CCNH: variants seen among roughly 807,000 people sequenced by gnomAD.
CCNH encodes cyclin H.
In CCNH, 31 loss-of-function variants were observed where a neutral mutation model predicts 41.9. The ratio of observed to expected loss-of-function variants is 0.74; its 90% CI spans 0.56 to 1.00. The LOEUF is 1.00. Ranked by LOEUF, CCNH falls within the 50% of genes least tolerant of loss-of-function variation. The probability of loss-of-function intolerance (pLI) is 0.00; values close to 1 mark genes in which losing one functional copy is unlikely to be tolerated. For missense variants in CCNH, 362 were observed against 388.4 expected, an observed-to-expected ratio of 0.93 and a Z score of 0.57; for synonymous variants, 138 against 136.1, an observed-to-expected ratio of 1.01 and a Z score of -0.10.
chr5:87,379,799 T>C, upstream of CCNH: 2 of 1,612,928 alleles, frequency 1.2e-6, no homozygotes, highest in Non-Finnish European at 1.7e-6. Flanking sequence ...CTATTGAACA[T>C]ACTTTCAGAG....
At chr5:87,386,074 C>T (rs1320087510) in intron 9 of CCNH, among the ~76,000 whole-genome samples, 1 of 151,972 alleles carries the variant, frequency 6.6e-6, no homozygotes, top group African/African-American at 2.4e-5. Flanking sequence ...TTTATTGCTC[C>T]TCACAGCCTT....
At chr5:87,353,057 T>C (rs1580334430) in intron 9 of CCNH, 1 of 831,148 alleles carries the variant, frequency 1.2e-6, no homozygotes, top group Non-Finnish European at 2.0e-6. Context: ...TGAAAAAAAT[T>C]TGCTAATTAG....
chr5:87,357,349 G>A (rs889007538), intron 9 of CCNH, among the ~76,000 whole-genome samples: 3 of 151,852 alleles, frequency 2.0e-5, no homozygotes, highest in Non-Finnish European at 2.9e-5. Context: ...TCCAGATGAC[G>A]GATCCTGCCA....
At chr5:87,333,480 TC>T in intron 9 of CCNH, 2 of 1,325,964 alleles carry the variant, frequency 1.5e-6, no homozygotes, top group Non-Finnish European at 2.0e-6. Flanking sequence ...GGTCTGTTGG[TC>T]CTGTATCTCT....
intron 7 of CCNH, 75 bp downstream of exon 7, chr5:87,399,319 C>G: frequency 1.9e-6 from 2 of 1,062,432 alleles, no homozygotes; most frequent in Non-Finnish European, 1.5e-6. Context: ...GAGCAAACAC[C>G]AATAAAATGA....
At chr5:87,360,273 C>T (rs62368950) in intron 9 of CCNH, among the ~76,000 whole-genome samples, 10,740 of 152,002 alleles carry the variant, frequency 0.071, 479 homozygotes, top group Non-Finnish European at 0.1. Context: ...ATTACAGGCA[C>T]GCGCCACCAC....
At chr5:87,358,272 A>G (rs1759803129) in intron 9 of CCNH, among the ~76,000 whole-genome samples, 1 of 152,200 alleles carries the variant, frequency 6.6e-6, no homozygotes, top group African/African-American at 2.4e-5. Flanking sequence ...AATATACCCC[A>G]TAATAAAAAT....
chr5:87,377,235 T>C (rs1270615484), upstream of CCNH: 6 of 689,768 alleles, frequency 8.7e-6, no homozygotes, highest in Non-Finnish European at 1.4e-5. Context: ...CTGATATTTC[T>C]AATGTAGGTT....
chr5:87,321,477 C>T (rs1756800623), intron 9 of CCNH, among the ~76,000 whole-genome samples: 1 of 152,172 alleles, frequency 6.6e-6, no homozygotes, highest in Non-Finnish European at 1.5e-5. Flanking sequence ...GAACTTCTAC[C>T]AGATGGCTTC....
At chr5:87,339,624 C>T (rs749308795) in intron 9 of CCNH, among the ~76,000 whole-genome samples, 1 of 151,952 alleles carries the variant, frequency 6.6e-6, no homozygotes, top group Non-Finnish European at 1.5e-5. Context: ...TCAATGTATA[C>T]AGAAAAATAA....
chr5:87,364,093 A>G (rs1332353755), intron 9 of CCNH, among the ~76,000 whole-genome samples: 1 of 152,108 alleles, frequency 6.6e-6, no homozygotes, highest in African/African-American at 2.4e-5. Flanking sequence ...CACCATTAGT[A>G]TTATCAGTAA....
At chr5:87,329,574 G>T (rs1234291245) in intron 9 of CCNH, among the ~76,000 whole-genome samples, 1 of 152,184 alleles carries the variant, frequency 6.6e-6, no homozygotes, top group South Asian at 2.1e-4. Context: ...CATTTCAATG[G>T]TAAGTTCAAA....
downstream of CCNH, chr5:87,393,895 A>G (rs1762709480): frequency 1.3e-5 from 2 of 152,252 alleles, no homozygotes; most frequent in South Asian, 2.1e-4. Flanking sequence ...TCAAAATCAT[A>G]TATCTGGTTT....
Position 87,409,377 on chromosome 5 carries a change from A to C in CCNH, c.241-14T>G. 1 of 1,385,056 alleles carries C rather than the reference A, an allele frequency of 7.2e-7. No individual in the cohort carries two copies. Among genetic ancestry groups the C allele is most frequent in the Non-Finnish European group, 1.0e-6 (1 of 981,546 alleles). The allele number at this position is 1,385,056 out of a possible 1,614,324, so 85.8% of individuals were successfully genotyped here. On this transcript the variant is annotated splice_polypyrimidine_tract_variant and intron_variant, in intron 2 of 8. Coordinates refer to ENST00000256897, the MANE Select transcript of CCNH (RefSeq NM_001239.4). ...ACAAGCCGTACCCTAAGGGTTAAAA[A>C]AAATATATCATCAGGATCTAGTCAC...
intron 7 of CCNH, among the ~76,000 whole-genome samples, chr5:87,398,408 T>C (rs190791623): frequency 6.6e-6 from 1 of 152,140 alleles, no homozygotes; most frequent in Non-Finnish European, 1.5e-5. Context: ...ATGCCACAGA[T>C]AACTCCCATT....
chr5:87,394,647 G>A (rs980454992), intron 8 of CCNH, 163 bp from the exon 9 acceptor site: 37 of 1,425,498 alleles, frequency 2.6e-5, no homozygotes, highest in Middle Eastern at 4.4e-4. Context: ...ATGTTGGCAT[G>A]GTCTCACCAG....
chr5:87,394,194 A>AATT (rs1444251989), downstream of CCNH: 8 of 1,082,886 alleles, frequency 7.4e-6, no homozygotes, highest in Admixed American at 4.6e-5. Context: ...TTGCTTAAAA[A>AATT]ATTAGGCAAA....
downstream of CCNH, chr5:87,386,942 T>C (rs760339965): frequency 2.7e-5 from 41 of 1,498,414 alleles, no homozygotes; most frequent in South Asian, 4.1e-4. Flanking sequence ...TTAAGACTTC[T>C]AGTTGATATA....
intron 7 of CCNH, 37 bp downstream of exon 7, chr5:87,399,357 G>A: frequency 1.4e-6 from 2 of 1,419,672 alleles, no homozygotes; most frequent in Non-Finnish European, 1.0e-6. Flanking sequence ...CTGGATAACA[G>A]TTATGTCTAT....
Sources: allele counts gnomAD v4.1 joint callset (sites outside exome capture counted in the v4.1 genomes callset), GRCh38; gene constraint gnomAD v4.1.1; transcripts MANE v1.5; gene names NCBI Gene and HGNC (gene_info 2026-07-23, HGNC 2026-07-21).